ADAMTS12: variants seen among roughly 807,000 people sequenced by gnomAD.
ADAMTS12 encodes A disintegrin and metalloproteinase with thrombospondin motifs 12.
ADAMTS12 carries 118 observed loss-of-function variants against 167.8 expected under a neutral mutation model. The observed-to-expected ratio is 0.70, with a 90% CI of 0.61 to 0.82. The LOEUF is 0.82. Among genes scored for constraint, ADAMTS12 ranks in the 40% least tolerant of loss-of-function variants. ADAMTS12 has a pLI of 0.00. For synonymous variants in ADAMTS12, 704 were observed against 716.9 expected (o/e 0.98, Z 0.29); for missense variants, 1,916 against 1,998.8 (o/e 0.96, Z 0.79).
intron 5 of ADAMTS12, among the ~76,000 whole-genome samples, chr5:33,665,606 G>A (rs970340761): frequency 2.0e-5 from 3 of 152,170 alleles, no homozygotes; most frequent in Non-Finnish European, 2.9e-5. Context: ...CAACAGCCAA[G>A]AATTACACAA....
In ADAMTS12 at chr5:33,676,221, T is replaced by C. The variant is rs887556217; in HGVS notation, c.915+6797A>G. On this transcript the variant is annotated intron_variant, in intron 5 of 23. Coordinates refer to ENST00000504830, the MANE Select transcript of ADAMTS12 (RefSeq NM_030955.4). ...CATGGGAAATAATTTTGCAAGAACG[T>C]GGCTTTTGTTAAAAATTGTTCTCGC... 6.6e-5 allele frequency among the ~76,000 whole-genome samples: 10 copies of C among 152,136 alleles called. 1 individual carries two copies. Among genetic ancestry groups the C allele is most frequent in the Admixed American group, 5.9e-4 (9 of 15,272 alleles).
chr5:33,742,622 G>T, intron 3 of ADAMTS12, among the ~76,000 whole-genome samples: 1 of 152,172 alleles, frequency 6.6e-6, no homozygotes. Context: ...TTAATTAACA[G>T]ACATTTATTA....
chr5:33,758,714 T>G (rs557670925), intron 2 of ADAMTS12, among the ~76,000 whole-genome samples: 2 of 152,268 alleles, frequency 1.3e-5, no homozygotes, highest in East Asian at 3.9e-4. Flanking sequence ...TGCTCATTAG[T>G]AGTTGTCATG....
chr5:33,630,109 A>G (rs1294926290), intron 13 of ADAMTS12, among the ~76,000 whole-genome samples: 1 of 152,212 alleles, frequency 6.6e-6, no homozygotes, highest in Non-Finnish European at 1.5e-5. Context: ...AACTGATTAA[A>G]ACATCTTCCT....
intron 3 of ADAMTS12, among the ~76,000 whole-genome samples, chr5:33,749,360 A>T (rs1421128819): frequency 6.6e-6 from 1 of 152,168 alleles, no homozygotes; most frequent in Admixed American, 6.5e-5. Flanking sequence ...GACACCAATT[A>T]TCTTGATGCT....
intron 17 of ADAMTS12, among the ~76,000 whole-genome samples, chr5:33,595,215 T>C (rs189863601): frequency 1.1e-4 from 17 of 152,094 alleles, no homozygotes; most frequent in African/African-American, 3.4e-4. Flanking sequence ...CCCAACTACC[T>C]TCTAGGATCC....
At chr5:33,687,204 G>T (rs565497577) in intron 3 of ADAMTS12, among the ~76,000 whole-genome samples, 24 of 151,896 alleles carry the variant, frequency 1.6e-4, no homozygotes, top group South Asian at 2.1e-4. Context: ...GAGAGATGAG[G>T]TCTGCTAAAG....
chr5:33,604,952 C>G (rs1561162156), intron 16 of ADAMTS12, among the ~76,000 whole-genome samples: 1 of 152,184 alleles, frequency 6.6e-6, no homozygotes, highest in African/African-American at 2.4e-5. Flanking sequence ...GAATAGGAAT[C>G]CACTCTGGGT....
chr5:33,579,001 G>T (rs1746908766), intron 18 of ADAMTS12, among the ~76,000 whole-genome samples: 1 of 152,186 alleles, frequency 6.6e-6, no homozygotes, highest in South Asian at 2.1e-4. Context: ...CCACCAAAGT[G>T]GGGGCTACCA....
At chr5:33,859,115 GT>G (rs1200859125) in intron 2 of ADAMTS12, among the ~76,000 whole-genome samples, 5 of 152,206 alleles carry the variant, frequency 3.3e-5, no homozygotes, top group African/African-American at 1.2e-4. Context: ...CACGGCAGGA[GT>G]TTTTTCATAC....
chr5:33,740,358 C>T (rs1313279280), intron 3 of ADAMTS12, among the ~76,000 whole-genome samples: 1 of 152,274 alleles, frequency 6.6e-6, no homozygotes, highest in East Asian at 1.9e-4. Flanking sequence ...ATCCCGGGGC[C>T]AGCTACATAA....
At chr5:33,723,214 C>T (rs1306125979) in intron 3 of ADAMTS12, among the ~76,000 whole-genome samples, 1 of 152,158 alleles carries the variant, frequency 6.6e-6, no homozygotes, top group Admixed American at 6.5e-5. Context: ...AATCTCAGGT[C>T]TTGTGTAAAG....
chr5:33,802,839 T>C (rs1321186399), intron 2 of ADAMTS12, among the ~76,000 whole-genome samples: 2 of 152,188 alleles, frequency 1.3e-5, no homozygotes, highest in Non-Finnish European at 2.9e-5. Context: ...TTGCACCGGG[T>C]AACAAGTTTA....
intron 6 of ADAMTS12, among the ~76,000 whole-genome samples, chr5:33,658,898 C>G (rs1252242260): frequency 1.3e-5 from 2 of 152,220 alleles, no homozygotes; most frequent in East Asian, 3.9e-4. Flanking sequence ...GCATGTACAT[C>G]TAGAATCTCA....
chr5:33,807,747 T>C (rs537457620), intron 2 of ADAMTS12, among the ~76,000 whole-genome samples: 5 of 152,312 alleles, frequency 3.3e-5, no homozygotes, highest in South Asian at 2.1e-4. Flanking sequence ...GATCATTACA[T>C]ACATACCTGG....
intron 3 of ADAMTS12, among the ~76,000 whole-genome samples, chr5:33,722,488 T>A (rs1288111206): frequency 6.6e-6 from 1 of 152,234 alleles, no homozygotes; most frequent in Non-Finnish European, 1.5e-5. Context: ...CATTAGGTGA[T>A]CTGTCTAAAA....
intron 2 of ADAMTS12, among the ~76,000 whole-genome samples, chr5:33,838,592 G>T (rs1378799896): frequency 6.6e-6 from 1 of 152,158 alleles, no homozygotes; most frequent in African/African-American, 2.4e-5. Flanking sequence ...TGAGGTAGGA[G>T]AATTGCTTGA....
At chr5:33,657,087 A>T (rs1741086851) in intron 7 of ADAMTS12, among the ~76,000 whole-genome samples, 1 of 152,240 alleles carries the variant, frequency 6.6e-6, no homozygotes, top group Non-Finnish European at 1.5e-5. Context: ...ATCTAAGGTC[A>T]TAATATTGGT....
At chr5:33,602,505 T>C (rs1163987116) in intron 16 of ADAMTS12, among the ~76,000 whole-genome samples, 1 of 152,212 alleles carries the variant, frequency 6.6e-6, no homozygotes, top group East Asian at 1.9e-4. Flanking sequence ...CAGATCAATA[T>C]CTGAACTTGG....
Sources: allele counts gnomAD v4.1 joint callset (sites outside exome capture counted in the v4.1 genomes callset), GRCh38; gene constraint gnomAD v4.1.1; transcripts MANE v1.5; gene names NCBI Gene and HGNC (gene_info 2026-07-23, HGNC 2026-07-21).